GPD2: variants seen among roughly 807,000 people sequenced by gnomAD.
The protein encoded by GPD2 is glycerol-3-phosphate dehydrogenase 2, also known as glycerol-3-phosphate dehydrogenase, mitochondrial.
A neutral mutation model predicts 82.4 loss-of-function variants in GPD2; 54 were observed. That is an observed-to-expected ratio of 0.66 (90% CI 0.53 to 0.82). The LOEUF (loss-of-function observed/expected upper bound fraction) is 0.82. GPD2 is among the 40% of genes least tolerant of loss of function. GPD2 has a pLI of 0.00. For missense variants in GPD2, 748 were observed against 896.2 expected, an observed-to-expected ratio of 0.83 and a Z score of 2.11; for synonymous variants, 288 against 306.1, an observed-to-expected ratio of 0.94 and a Z score of 0.62.
chr2:156,445,313 G>T (rs1238463513), intron 1 of GPD2, among the ~76,000 whole-genome samples: 1 of 152,144 alleles, frequency 6.6e-6, no homozygotes, highest in South Asian at 2.1e-4. Flanking sequence ...CTTAAAAACT[G>T]TTTTAAAAAC....
At chr2:156,437,834 T>C (rs375013238) in intron 1 of GPD2, among the ~76,000 whole-genome samples, 3 of 152,250 alleles carry the variant, frequency 2.0e-5, no homozygotes, top group African/African-American at 7.2e-5. Flanking sequence ...TTACCAATTG[T>C]TAGTGAGTGT....
At chr2:156,451,749 C>A (rs1382081957) in intron 1 of GPD2, among the ~76,000 whole-genome samples, 1 of 149,002 alleles carries the variant, frequency 6.7e-6, no homozygotes, top group Non-Finnish European at 1.5e-5. Flanking sequence ...GGGGGCTGAC[C>A]CCCCCACCTC....
chr2:156,428,153 T>G, the GPD2 span, among the ~76,000 whole-genome samples: 2 of 152,164 alleles, frequency 1.3e-5, no homozygotes, highest in African/African-American at 4.8e-5. Flanking sequence ...GTGAATAACT[T>G]TGGGGAGGCC....
At chr2:156,565,515 C>A (rs1687356312) in intron 9 of GPD2, among the ~76,000 whole-genome samples, 1 of 152,110 alleles carries the variant, frequency 6.6e-6, no homozygotes, top group Admixed American at 6.6e-5. Flanking sequence ...GGAATCCCAG[C>A]ATTGAGATCC....
chr2:156,542,612 C>T (rs1413949105), intron 6 of GPD2, among the ~76,000 whole-genome samples: 1 of 152,062 alleles, frequency 6.6e-6, no homozygotes, highest in Non-Finnish European at 1.5e-5. Context: ...TCAACTTTGC[C>T]AGGCACTTAA....
chr2:156,486,029 T>C (rs1208378800), intron 2 of GPD2, among the ~76,000 whole-genome samples: 1 of 152,240 alleles, frequency 6.6e-6, no homozygotes, highest in Non-Finnish European at 1.5e-5. Context: ...GGAATGTGTC[T>C]GATATCTAAA....
At chr2:156,417,299 T>A in the GPD2 span, among the ~76,000 whole-genome samples, 1 of 152,192 alleles carries the variant, frequency 6.6e-6, no homozygotes, top group East Asian at 1.9e-4. Context: ...TCTCATTCTT[T>A]CCAAGGTGAG....
At chr2:156,453,824 C>T (rs1253051700) in intron 1 of GPD2, among the ~76,000 whole-genome samples, 1 of 152,180 alleles carries the variant, frequency 6.6e-6, no homozygotes, top group Non-Finnish European at 1.5e-5. Flanking sequence ...TTGCAGTGAG[C>T]TGAGATCACG....
At chr2:156,490,264 A>G (rs1174883772) in intron 2 of GPD2, among the ~76,000 whole-genome samples, 1 of 152,184 alleles carries the variant, frequency 6.6e-6, no homozygotes, top group Non-Finnish European at 1.5e-5. Flanking sequence ...ACTCAAAACC[A>G]TATGAAGCCA....
the GPD2 span, among the ~76,000 whole-genome samples, chr2:156,425,514 A>T: frequency 6.6e-6 from 1 of 152,188 alleles, no homozygotes; most frequent in African/African-American, 2.4e-5. Flanking sequence ...GTTGAAGAGG[A>T]ATCAGTTGTC....
chr2:156,416,223 G>C, the GPD2 span, among the ~76,000 whole-genome samples: 1 of 151,714 alleles, frequency 6.6e-6, no homozygotes, highest in African/African-American at 2.4e-5. Flanking sequence ...ACAGGCATTT[G>C]GGTTGGTTCC....
intron 1 of GPD2, among the ~76,000 whole-genome samples, chr2:156,445,106 T>C (rs1332246656): frequency 2.0e-5 from 3 of 152,204 alleles, no homozygotes. Flanking sequence ...ACGTGGTCTT[T>C]TTCTTATTAA....
At chr2:156,402,713 G>A in the GPD2 span, among the ~76,000 whole-genome samples, 4 of 151,728 alleles carry the variant, frequency 2.6e-5, no homozygotes, top group Non-Finnish European at 4.4e-5. Context: ...GAGGTGTCTC[G>A]CTATGTTAGC....
intron 8 of GPD2, among the ~76,000 whole-genome samples, chr2:156,556,864 AACTTTGTGATT>A (rs1350900644): frequency 6.6e-6 from 1 of 152,226 alleles, no homozygotes; most frequent in Non-Finnish European, 1.5e-5. Context: ...AGTAGTAAAG[AACTTTGTGATT>A]ACATTTTAGT....
intron 1 of GPD2, among the ~76,000 whole-genome samples, chr2:156,457,866 G>A (rs776142757): frequency 2.0e-5 from 3 of 152,226 alleles, no homozygotes; most frequent in Non-Finnish European, 4.4e-5. Flanking sequence ...GATAGCAGAT[G>A]TATTTTTATG....
intron 3 of GPD2, among the ~76,000 whole-genome samples, chr2:156,507,516 A>G (rs297594): frequency 0.7 from 106,114 of 151,578 alleles, 37,246 homozygotes; most frequent in Middle Eastern, 0.82. Context: ...TTGATACAGG[A>G]TTTTGTCATG....
At chr2:156,563,135 G>A (rs1687236233) in intron 9 of GPD2, among the ~76,000 whole-genome samples, 1 of 152,090 alleles carries the variant, frequency 6.6e-6, no homozygotes, top group African/African-American at 2.4e-5. Context: ...TATTATCTCA[G>A]AGGCCCAAGC....
chr2:156,496,275 A>C (rs1684375212), intron 3 of GPD2, 60 bp downstream of exon 3: 1 of 1,200,646 alleles, frequency 8.3e-7, no homozygotes, highest in Non-Finnish European at 1.2e-6. Context: ...CAGGATGTGC[A>C]GGTTTGTTAC....
rs182020931 is a variant in GPD2, at chr2:156,583,829, T to G, written c.*911T>G. ...TACATTTAAGAGTTAAAAATGTGTT[T>G]TTATATATCCACATATGATAACAAA... On this transcript the variant is annotated 3_prime_UTR_variant, in exon 17 of 17. Transcript: ENST00000438166. 1.3e-5 allele frequency: 2 copies of G among 152,604 alleles called. No homozygotes were observed. The highest frequency in any genetic ancestry group is 3.9e-4 in the East Asian group (2 of 5,170). 9.5% of individuals were successfully genotyped at this position (152,604 alleles called of 1,614,324 possible). A position where few individuals can be genotyped will look rare whatever the true frequency, so the allele number is the denominator to read the frequency against.
Sources: allele counts gnomAD v4.1 joint callset (sites outside exome capture counted in the v4.1 genomes callset), GRCh38; gene constraint gnomAD v4.1.1; transcripts MANE v1.5; gene names NCBI Gene and HGNC (gene_info 2026-07-23, HGNC 2026-07-21).